UBAP1: variants seen among roughly 807,000 people sequenced by gnomAD.
UBAP1 encodes the protein ubiquitin associated protein 1.
In UBAP1, 5 loss-of-function variants were observed where a neutral mutation model predicts 39.0. The ratio of observed to expected loss-of-function variants is 0.13; its 90% CI spans 0.07 to 0.27. The LOEUF is 0.27. UBAP1 is among the 10% of genes least tolerant of loss of function. The pLI is 1.00. For missense variants in UBAP1, 490 were observed against 608.1 expected, an observed-to-expected ratio of 0.81 and a Z score of 2.04; for synonymous variants, 211 against 225.1, an observed-to-expected ratio of 0.94 and a Z score of 0.56.
chr9:34,223,770 T>G (rs1211611122), intron 2 of UBAP1, among the ~76,000 whole-genome samples: 1 of 152,214 alleles, frequency 6.6e-6, no homozygotes, highest in African/African-American at 2.4e-5. Flanking sequence ...TGTTATTGTT[T>G]AAATGAAACT....
intron 1 of UBAP1, among the ~76,000 whole-genome samples, chr9:34,186,192 C>CGA (rs2131496440): frequency 6.6e-6 from 1 of 152,212 alleles, no homozygotes; most frequent in South Asian, 2.1e-4. Flanking sequence ...AAATTTTAGT[C>CGA]ACATTATGTC....
chr9:34,235,854 C>T (rs1170233809), intron 3 of UBAP1, among the ~76,000 whole-genome samples: 6 of 145,846 alleles, frequency 4.1e-5, no homozygotes, highest in African/African-American at 7.6e-5. Context: ...TTTTTTGAGA[C>T]GGAGTTTCAT....
At chr9:34,196,962 CTG>C (rs1281537294) in intron 1 of UBAP1, among the ~76,000 whole-genome samples, 2 of 150,104 alleles carry the variant, frequency 1.3e-5, no homozygotes, top group Non-Finnish European at 3.0e-5. Flanking sequence ...GAGTCTCACT[CTG>C]TAACCCAGGC....
chr9:34,190,802 C>CTTTTTTTTTTT (rs373942127), intron 1 of UBAP1, among the ~76,000 whole-genome samples: 2 of 116,648 alleles, frequency 1.7e-5, no homozygotes, highest in East Asian at 2.5e-4. Context: ...ATGCCTGGCT[C>CTTTTTTTTTTT]TTTTTTTTTT....
rs1466934213 is a variant in UBAP1, at chr9:34,252,016, C to T, written c.*484C>T. ...TTCTTCCAGGGTTTTATTTTTTCCC[C>T]TCCTAACAAAGTCTCATAGTGTTAA... On this transcript the variant is annotated 3_prime_UTR_variant, in exon 7 of 7. Coordinates refer to ENST00000297661, the MANE Select transcript of UBAP1 (RefSeq NM_016525.5). 1.3e-5 allele frequency: 2 copies of T among 155,674 alleles called. No individual in the cohort carries two copies. Among genetic ancestry groups the T allele is most frequent in the African/African-American group, 4.8e-5 (2 of 41,482 alleles). The allele number at this position is 155,674 out of a possible 1,614,324, so 9.6% of individuals were successfully genotyped here.
At chr9:34,216,055 C>G (rs562958373) in intron 1 of UBAP1, among the ~76,000 whole-genome samples, 42 of 151,830 alleles carry the variant, frequency 2.8e-4, no homozygotes, top group Non-Finnish European at 5.3e-4. Context: ...ATTTACTATT[C>G]CTTGTGGTCT....
intron 1 of UBAP1, among the ~76,000 whole-genome samples, chr9:34,181,116 C>CTTTCTTTCTTTTTTT (rs1193356334): frequency 1.4e-5 from 1 of 72,238 alleles, no homozygotes; most frequent in Non-Finnish European, 2.5e-5. Context: ...GGCCTGTTTT[C>CTTTCTTTCTTTTTTT]TTTTTTTTTT....
At chr9:34,230,125 G>C (rs375492715) in intron 2 of UBAP1, among the ~76,000 whole-genome samples, 5 of 152,152 alleles carry the variant, frequency 3.3e-5, no homozygotes, top group Non-Finnish European at 5.9e-5. Context: ...GTGCAGTGGT[G>C]TGATCTCAGC....
At position 34,251,935 on chromosome 9, in the gene UBAP1, C is replaced by T. The variant is rs184286090; in HGVS notation, c.*403C>T. 10 of 166,204 alleles carry T rather than the reference C, an allele frequency of 6.0e-5. No individual in the cohort carries two copies. The highest frequency in any genetic ancestry group is 1.2e-4 in the Non-Finnish European group (9 of 76,234). The allele number at this position is 166,204 out of a possible 1,614,324, so 10.3% of individuals were successfully genotyped here. On this transcript the variant is annotated 3_prime_UTR_variant, in exon 7 of 7. Transcript: ENST00000297661. ...TGCTGCTGTGGAGCTAGGTGCTTCC[C>T]CCTTCCCCTGAGACTGGTGGACTGA...
chr9:34,243,891 C>T (rs545324908), intron 4 of UBAP1, among the ~76,000 whole-genome samples: 16 of 152,132 alleles, frequency 1.1e-4, no homozygotes, highest in Non-Finnish European at 1.9e-4. Flanking sequence ...GCTCTGTCGC[C>T]CAGGCTGGAG....
chr9:34,191,179 C>T (rs981700140), intron 1 of UBAP1, among the ~76,000 whole-genome samples: 1 of 152,114 alleles, frequency 6.6e-6, no homozygotes, highest in Non-Finnish European at 1.5e-5. Flanking sequence ...GTCAGTGATT[C>T]TCAAAGTTTT....
In UBAP1 at chr9:34,242,115, C is replaced by T. The variant is rs1277005715; in HGVS notation, c.1083+7C>T. 3 of 1,570,840 alleles carry T rather than the reference C, an allele frequency of 1.9e-6. No individual in the cohort carries two copies. The highest frequency in any genetic ancestry group is 1.7e-6 in the Non-Finnish European group (2 of 1,153,640). ...TCCAAATACTGGTCCCACGGTAAGTCTTTTAAATCCCCCGCCGACTCCCAT... is the reference window on the plus strand; with the variant it reads ...TCCAAATACTGGTCCCACGGTAAGTTTTTTAAATCCCCCGCCGACTCCCAT... On this transcript the variant is annotated splice_region_variant and intron_variant, in intron 4 of 6. Transcript: ENST00000297661.
At chr9:34,231,222 C>A (rs1278676440) in intron 2 of UBAP1, among the ~76,000 whole-genome samples, 1 of 148,302 alleles carries the variant, frequency 6.7e-6, no homozygotes, top group East Asian at 2.0e-4. Flanking sequence ...AAAAGCATGT[C>A]TTTATTTATT....
chr9:34,229,284 G>A (rs1833282293), intron 2 of UBAP1, among the ~76,000 whole-genome samples: 1 of 150,294 alleles, frequency 6.7e-6, no homozygotes. Context: ...TTGAGATGGA[G>A]TCTTGTTCTG....
intron 3 of UBAP1, among the ~76,000 whole-genome samples, chr9:34,236,814 A>G (rs1587872162): frequency 1.3e-5 from 2 of 152,014 alleles, no homozygotes; most frequent in East Asian, 1.9e-4. Flanking sequence ...ATCCCTTTTC[A>G]TAACTGTTCA....
At chr9:34,216,549 G>A (rs933469483) in intron 1 of UBAP1, among the ~76,000 whole-genome samples, 6 of 151,478 alleles carry the variant, frequency 4.0e-5, no homozygotes, top group African/African-American at 1.5e-4. Context: ...GCAGTGCAGT[G>A]GTGCGATCAT....
In UBAP1 at chr9:34,250,109, G is replaced by A. The variant is rs1015685271; in HGVS notation, c.1266+148G>A. On this transcript the variant is annotated intron_variant, in intron 5 of 6. Coordinates refer to ENST00000297661, the MANE Select transcript of UBAP1 (RefSeq NM_016525.5). ...ACGGGGCATGTTTTGGGGAAAGCCA[G>A]CAGCCTTGGGAGCAGTACTTCTTTT... 5 of 791,598 alleles carry A rather than the reference G, an allele frequency of 6.3e-6. No homozygotes were observed. The African/African-American group carries it at 7.0e-5, about 11-fold the overall frequency. 49.0% of individuals were successfully genotyped at this position (791,598 alleles called of 1,614,324 possible). A position where few individuals can be genotyped will look rare whatever the true frequency, so the allele number is the denominator to read the frequency against.
chr9:34,188,394 G>A (rs1160285890), intron 1 of UBAP1, among the ~76,000 whole-genome samples: 2 of 141,584 alleles, frequency 1.4e-5, no homozygotes, highest in Non-Finnish European at 3.1e-5. Flanking sequence ...ACAAAGTAAA[G>A]CAATTTGAAT....
chr9:34,202,844 T>G (rs2131539288), intron 1 of UBAP1, among the ~76,000 whole-genome samples: 1 of 152,282 alleles, frequency 6.6e-6, no homozygotes, highest in South Asian at 2.1e-4. Flanking sequence ...CATAAATTAC[T>G]ATAATAGCAT....
Sources: allele counts gnomAD v4.1 joint callset (sites outside exome capture counted in the v4.1 genomes callset), GRCh38; gene constraint gnomAD v4.1.1; transcripts MANE v1.5; gene names NCBI Gene and HGNC (gene_info 2026-07-23, HGNC 2026-07-21).